CNTNAP2: variants seen among roughly 807,000 people sequenced by gnomAD.
The protein encoded by CNTNAP2 is contactin-associated protein-like 2.
A neutral mutation model predicts 155.2 loss-of-function variants in CNTNAP2; 98 were observed. That is an observed-to-expected ratio of 0.63 (90% CI 0.54 to 0.75). CNTNAP2 has a LOEUF of 0.75. Among genes scored for constraint, CNTNAP2 ranks in the 30% least tolerant of loss-of-function variants. The pLI, the probability that CNTNAP2 is intolerant of heterozygous loss-of-function variation, is 0.00. For synonymous variants in CNTNAP2, 651 were observed against 631.2 expected (o/e 1.03, Z -0.47); for missense variants, 1,727 against 1,688.1 (o/e 1.02, Z -0.40).
chr7:146,118,793 T>A (rs754896922), intron 1 of CNTNAP2, among the ~76,000 whole-genome samples: 24 of 152,158 alleles, frequency 1.6e-4, no homozygotes, highest in Non-Finnish European at 2.9e-4. Context: ...CAATTACTTT[T>A]AAGATGGTTA....
intron 10 of CNTNAP2, among the ~76,000 whole-genome samples, chr7:147,474,874 G>A (rs1045782534): frequency 2.6e-5 from 4 of 152,178 alleles, no homozygotes; most frequent in African/African-American, 7.2e-5. Context: ...AAGCTGAAGA[G>A]TGATTCTTGG....
chr7:147,120,304 T>C (rs776152378), intron 5 of CNTNAP2, among the ~76,000 whole-genome samples: 2 of 152,166 alleles, frequency 1.3e-5, no homozygotes, highest in Non-Finnish European at 2.9e-5. Context: ...TGAATCCTCA[T>C]GCAACCTTAC....
chr7:147,780,105 A>G (rs1183057039), intron 13 of CNTNAP2, among the ~76,000 whole-genome samples: 1 of 152,204 alleles, frequency 6.6e-6, no homozygotes, highest in African/African-American at 2.4e-5. Flanking sequence ...TTTGTAAATG[A>G]AAGTTCTAGA....
At chr7:147,895,557 A>C (rs2710104) in intron 13 of CNTNAP2, among the ~76,000 whole-genome samples, 101,087 of 152,116 alleles carry the variant, frequency 0.66, 33,890 homozygotes, top group Middle Eastern at 0.76. Flanking sequence ...ATATAGTTAA[A>C]TACAATCTTC....
intron 5 of CNTNAP2, among the ~76,000 whole-genome samples, chr7:147,114,527 A>C (rs1214050738): frequency 6.6e-6 from 1 of 151,808 alleles, no homozygotes; most frequent in Non-Finnish European, 1.5e-5. Flanking sequence ...ATGATAGTTA[A>C]CTCTTCTTGT....
Position 146,767,306 on chromosome 7 carries a change from A to C in CNTNAP2, c.98-6965A>C, listed in dbSNP as rs1047820543. ...AGATCTCTAATATAAAATGAAATAC[A>C]TAAAATGAGGCTATATTTGTATGGG... On this transcript the variant is annotated intron_variant, in intron 1 of 23. Transcript: ENST00000361727. Among the ~76,000 whole-genome samples, 28 of 152,210 alleles carry C rather than the reference A, an allele frequency of 1.8e-4. 1 individual carries two copies. Among genetic ancestry groups the C allele is most frequent in the African/African-American group, 6.8e-4 (28 of 41,464 alleles).
At chr7:146,870,605 T>C (rs1334544792) in intron 3 of CNTNAP2, among the ~76,000 whole-genome samples, 1 of 152,194 alleles carries the variant, frequency 6.6e-6, no homozygotes, top group Non-Finnish European at 1.5e-5. Flanking sequence ...ATATGTTTTG[T>C]AAATTGCTGT....
intron 1 of CNTNAP2, among the ~76,000 whole-genome samples, chr7:146,380,784 CTTTTTTTTTTTTTT>C (rs56886106): frequency 5.7e-4 from 22 of 38,816 alleles, no homozygotes; most frequent in Admixed American, 2.7e-3. Context: ...TATGCACGTT[CTTTTTTTTTTTTTT>C]TTTTTTTTTT....
At chr7:146,985,308 A>AATTTT (rs1183369135) in intron 3 of CNTNAP2, among the ~76,000 whole-genome samples, 3 of 127,852 alleles carry the variant, frequency 2.3e-5, no homozygotes, top group South Asian at 2.5e-4. Flanking sequence ...AAATGCTTGA[A>AATTTT]TTTTTTTTTT....
intron 1 of CNTNAP2, among the ~76,000 whole-genome samples, chr7:146,179,407 C>T (rs1216800272): frequency 1.3e-5 from 2 of 151,842 alleles, no homozygotes; most frequent in Admixed American, 1.3e-4. Context: ...GAAATATAAC[C>T]TAGAAAGTCA....
chr7:148,044,751 T>C (rs1456755254), intron 15 of CNTNAP2: 2 of 152,304 alleles, frequency 1.3e-5, no homozygotes, highest in Non-Finnish European at 2.9e-5. Context: ...CAGTCTAAGA[T>C]ATTTTTTATG....
At chr7:146,696,209 T>C (rs887003668) in intron 1 of CNTNAP2, among the ~76,000 whole-genome samples, 3 of 152,196 alleles carry the variant, frequency 2.0e-5, no homozygotes, top group Non-Finnish European at 2.9e-5. Flanking sequence ...CAATTAAATT[T>C]ATTAAACCTA....
chr7:146,928,517 C>T lies in CNTNAP2; in HGVS notation c.402+88613C>T, dbSNP rs566443783. ...CTCCCAGCATGAACGACGCAGAAGA[C>T]GGGTGATTTCTGCATTTCCATCTGA... On this transcript the variant is annotated intron_variant, in intron 3 of 23. Transcript: ENST00000361727. Among the ~76,000 whole-genome samples the T allele has an allele frequency of 1.7e-3, 260 of 152,286 alleles. 1 individual carries two copies. Among genetic ancestry groups the T allele is most frequent in the Non-Finnish European group, 2.9e-3 (195 of 68,032 alleles).
At chr7:147,732,444 C>T (rs1377950419) in intron 13 of CNTNAP2, among the ~76,000 whole-genome samples, 1 of 152,084 alleles carries the variant, frequency 6.6e-6, no homozygotes, top group Admixed American at 6.5e-5. Flanking sequence ...CATTGTTGGA[C>T]ATTTGGGTTG....
chr7:147,457,967 G>C (rs755813523), intron 10 of CNTNAP2, among the ~76,000 whole-genome samples: 7 of 152,036 alleles, frequency 4.6e-5, no homozygotes, highest in Non-Finnish European at 7.4e-5. Context: ...CTTTGTATTA[G>C]GGTATTTCTC....
chr7:147,236,567 T>C (rs1803809996), intron 8 of CNTNAP2, among the ~76,000 whole-genome samples: 1 of 152,044 alleles, frequency 6.6e-6, no homozygotes, highest in East Asian at 1.9e-4. Context: ...CAATTTTTTT[T>C]TCTTTTTGGT....
chr7:146,289,096 G>A (rs1296315753), intron 1 of CNTNAP2, among the ~76,000 whole-genome samples: 9 of 152,014 alleles, frequency 5.9e-5, no homozygotes, highest in African/African-American at 1.2e-4. Flanking sequence ...GAGCCACCGC[G>A]CCCTGGCAGA....
rs536447652 is a variant in CNTNAP2, at chr7:147,605,768, A to C, written c.1898-33338A>C. 2.0e-5 allele frequency among the ~76,000 whole-genome samples: 3 copies of C among 152,256 alleles called. No homozygotes were observed. The East Asian group carries it at 5.8e-4, about 29-fold the overall frequency. ...GGGGCAAGAAACGGAACAGAAGAGC[A>C]GAGAGAACTTGGTTCTCCTTCAGTT... is the stretch of plus-strand genomic sequence containing the variant. On this transcript the variant is annotated intron_variant, in intron 12 of 23. Coordinates refer to ENST00000361727, the MANE Select transcript of CNTNAP2 (RefSeq NM_014141.6).
chr7:146,153,830 TATC>T (rs1226157474), intron 1 of CNTNAP2, among the ~76,000 whole-genome samples: 5 of 152,092 alleles, frequency 3.3e-5, no homozygotes, highest in African/African-American at 1.2e-4. Flanking sequence ...AATAATCTAT[TATC>T]ATAATGTTTT....
Sources: gnomAD v4.1 joint callset for allele counts (sites outside exome capture counted in the v4.1 genomes callset) on GRCh38, gnomAD v4.1.1 for gene constraint, MANE v1.5 for transcripts, NCBI Gene and HGNC (gene_info 2026-07-23, HGNC 2026-07-21) for gene names.